The following ROBO2 variants were observed in gnomAD, a reference collection of about 807,000 sequenced individuals.
ROBO2 encodes roundabout homolog 2.
A neutral mutation model predicts 160.8 loss-of-function variants in ROBO2; 53 were observed. The ratio of observed to expected loss-of-function variants is 0.33; its 90% CI spans 0.26 to 0.41. ROBO2 has a LOEUF of 0.41. ROBO2 is among the 10% of genes least tolerant of loss of function. The pLI, the probability that ROBO2 is intolerant of heterozygous loss-of-function variation, is 1.00. For missense variants in ROBO2, 1,577 were observed against 1,722.4 expected, an observed-to-expected ratio of 0.92 and a Z score of 1.49; for synonymous variants, 664 against 611.7, an observed-to-expected ratio of 1.09 and a Z score of -1.26.
At chr3:76,186,015 C>G (rs1398145050) in intron 2 of ROBO2, among the ~76,000 whole-genome samples, 1 of 150,532 alleles carries the variant, frequency 6.6e-6, no homozygotes, top group Admixed American at 6.7e-5. Flanking sequence ...CTCACTGCAG[C>G]ATCAAGCTCC....
At chr3:77,214,465 A>T (rs1001212695) in intron 2 of ROBO2, among the ~76,000 whole-genome samples, 1 of 152,004 alleles carries the variant, frequency 6.6e-6, no homozygotes, top group East Asian at 1.9e-4. Context: ...TTTTGAGCCT[A>T]TTTGTGTCGC....
At chr3:77,602,214 G>A in exon 20 of ROBO2, 1 of 1,614,130 alleles carries the variant, frequency 6.2e-7, no homozygotes, top group South Asian at 1.1e-5. Context: ...CCACAGATGT[G>A]CTGCCACCAG....
At chr3:75,941,112 T>C (rs913271191) in intron 2 of ROBO2, among the ~76,000 whole-genome samples, 6 of 152,132 alleles carry the variant, frequency 3.9e-5, no homozygotes, top group South Asian at 4.1e-4. Flanking sequence ...ATTTTATTTT[T>C]ATTTCATTTC....
At chr3:76,034,254 A>G (rs2107726334) in intron 2 of ROBO2, among the ~76,000 whole-genome samples, 1 of 152,204 alleles carries the variant, frequency 6.6e-6, no homozygotes, top group Non-Finnish European at 1.5e-5. Flanking sequence ...TTCCTGAAGG[A>G]AAAAAAATAT....
intron 2 of ROBO2, among the ~76,000 whole-genome samples, chr3:77,440,076 T>C (rs866240766): frequency 6.6e-6 from 1 of 152,196 alleles, no homozygotes; most frequent in Non-Finnish European, 1.5e-5. Flanking sequence ...AAACAGGATA[T>C]AAATGTAGCT....
chr3:76,686,661 CA>C (rs2092692456), intron 2 of ROBO2, among the ~76,000 whole-genome samples: 1 of 151,896 alleles, frequency 6.6e-6, no homozygotes, highest in South Asian at 2.1e-4. Context: ...ATTCCCATGC[CA>C]AAAATATTTC....
At chr3:76,718,057 C>A (rs946747758) in intron 2 of ROBO2, among the ~76,000 whole-genome samples, 5 of 152,130 alleles carry the variant, frequency 3.3e-5, no homozygotes, top group Admixed American at 2.6e-4. Flanking sequence ...ATAACCTGCC[C>A]AAACTGGATG....
chr3:76,117,241 A>G (rs1181332106), intron 2 of ROBO2, among the ~76,000 whole-genome samples: 1 of 152,170 alleles, frequency 6.6e-6, no homozygotes, highest in Non-Finnish European at 1.5e-5. Context: ...CTGCTTGTTC[A>G]TAGCTTCATT....
At chr3:76,640,069 T>C (rs1041157684) in intron 2 of ROBO2, among the ~76,000 whole-genome samples, 5 of 152,234 alleles carry the variant, frequency 3.3e-5, no homozygotes, top group Non-Finnish European at 5.9e-5. Flanking sequence ...CTTTCCGTAC[T>C]AGACTTGAAC....
At chr3:76,801,310 A>T (rs1026640606) in intron 2 of ROBO2, among the ~76,000 whole-genome samples, 112 of 152,310 alleles carry the variant, frequency 7.4e-4, no homozygotes, top group African/African-American at 2.5e-3. Flanking sequence ...GTGGATAAAA[A>T]GCATATAGTT....
At chr3:77,257,748 A>G (rs1258799840) in intron 2 of ROBO2, among the ~76,000 whole-genome samples, 2 of 152,204 alleles carry the variant, frequency 1.3e-5, no homozygotes, top group Non-Finnish European at 2.9e-5. Context: ...TGATTTTCTA[A>G]TTCCAACTTA....
chr3:77,449,016 T>A (rs547218998), intron 2 of ROBO2, among the ~76,000 whole-genome samples: 30 of 152,286 alleles, frequency 2.0e-4, no homozygotes, highest in Non-Finnish European at 3.7e-4. Context: ...GTTTTAGCTC[T>A]TTAAGTTTTG....
chr3:76,842,155 T>C (rs1576990128), intron 2 of ROBO2, among the ~76,000 whole-genome samples: 1 of 152,216 alleles, frequency 6.6e-6, no homozygotes, highest in East Asian at 1.9e-4. Context: ...GCATAGACAA[T>C]AGAGAAGGAT....
At chr3:77,317,369 T>C in intron 2 of ROBO2, 1 of 917,494 alleles carries the variant, frequency 1.1e-6, no homozygotes, top group Non-Finnish European at 1.8e-6. Flanking sequence ...CGGTGCCTAG[T>C]GTATTGTCGG....
intron 2 of ROBO2, among the ~76,000 whole-genome samples, chr3:76,057,725 T>C (rs756511380): frequency 2.8e-4 from 43 of 152,246 alleles, no homozygotes; most frequent in Non-Finnish European, 6.2e-4. Context: ...TTTTTGCAAA[T>C]ATTCACCAAA....
In ROBO2 at chr3:77,296,009, T is replaced by C. The variant is rs146572735; in HGVS notation, c.389-181405T>C. ...GTAAAATTGATGGTTAAACGGGAAGTTGAGGCTAGAACAGTAAAGACATAA... is the reference window on the plus strand; with the variant it reads ...GTAAAATTGATGGTTAAACGGGAAGCTGAGGCTAGAACAGTAAAGACATAA... On this transcript the variant is annotated intron_variant, in intron 2 of 25. Transcript: ENST00000461745. Among the ~76,000 whole-genome samples, 1,130 of 129,546 alleles carry C rather than the reference T, an allele frequency of 8.7e-3. 8 individuals are homozygous for C. Among genetic ancestry groups the C allele is most frequent in the African/African-American group, 0.033 (1,044 of 31,392 alleles). 85.0% of individuals were successfully genotyped at this position (129,546 alleles called of 152,430 possible).
chr3:76,116,535 T>C (rs2070479702), intron 2 of ROBO2, among the ~76,000 whole-genome samples: 1 of 152,166 alleles, frequency 6.6e-6, no homozygotes, highest in Non-Finnish European at 1.5e-5. Flanking sequence ...TGCTTTCAGT[T>C]GCTAAGTTTA....
rs1277122019 is a variant in ROBO2, at chr3:77,428,878, A to T, written c.389-48536A>T. Among the ~76,000 whole-genome samples, 4 of 152,166 alleles carry T rather than the reference A, an allele frequency of 2.6e-5. No individual in the cohort carries two copies. The East Asian group carries it at 7.7e-4, about 29-fold the overall frequency. ...TCAGTGTTAACTTTTTCAAAATAAC[A>T]GTATAAGAAAAATGCATTTTCTGTC... On this transcript the variant is annotated intron_variant, in intron 2 of 25. Coordinates refer to ENST00000461745, the Ensembl canonical transcript of ROBO2.
At chr3:76,025,236 ACT>A (rs1269084300) in intron 2 of ROBO2, among the ~76,000 whole-genome samples, 1 of 151,560 alleles carries the variant, frequency 6.6e-6, no homozygotes, top group Non-Finnish European at 1.5e-5. Context: ...TCAAACTTAA[ACT>A]CTATTTCTGG....
Sources: allele counts gnomAD v4.1 joint callset (sites outside exome capture counted in the v4.1 genomes callset), GRCh38; gene constraint gnomAD v4.1.1; transcripts MANE v1.5; gene names NCBI Gene and HGNC (gene_info 2026-07-23, HGNC 2026-07-21).